The following GPR107 variants were observed in gnomAD, a reference collection of about 807,000 sequenced individuals.
The protein encoded by GPR107 is G protein-coupled receptor 107.
In GPR107, 31 loss-of-function variants were observed where a neutral mutation model predicts 75.5. That is an observed-to-expected ratio of 0.41 (90% CI 0.31 to 0.55). The LOEUF is 0.55. Among genes scored for constraint, GPR107 ranks in the 20% least tolerant of loss-of-function variants. The pLI is 0.26. For synonymous variants in GPR107, 267 were observed against 251.3 expected, an observed-to-expected ratio of 1.06 and a Z score of -0.59; for missense variants, 572 against 665.7, an observed-to-expected ratio of 0.86 and a Z score of 1.55.
intron 15 of GPR107, among the ~76,000 whole-genome samples, chr9:130,126,808 C>A (rs1282400843): frequency 7.2e-5 from 11 of 151,930 alleles, no homozygotes; most frequent in Non-Finnish European, 1.3e-4. Flanking sequence ...TTTTTCTTTC[C>A]CATGGATTTT....
chr9:130,071,957 T>C (rs1447248226), intron 1 of GPR107, among the ~76,000 whole-genome samples: 1 of 151,538 alleles, frequency 6.6e-6, no homozygotes, highest in African/African-American at 2.4e-5. Flanking sequence ...AGTGCTGGGA[T>C]TACAGGCGTA....
rs1831983914 is a variant in GPR107, at chr9:130,137,309, C to G, written c.*2188C>G. 1 of 152,340 alleles carries G rather than the reference C, an allele frequency of 6.6e-6. No homozygotes were observed. Among genetic ancestry groups the G allele is most frequent in the African/African-American group, 2.4e-5 (1 of 41,476 alleles). 9.4% of individuals were successfully genotyped at this position (152,340 alleles called of 1,614,324 possible). A position where few individuals can be genotyped will look rare whatever the true frequency, so the allele number is the denominator to read the frequency against. ...GTGGACAAGCGCTGGAGCCGCAGCC[C>G]TCAGACTGGCACGGGAACGCCAGCG... On this transcript the variant is annotated 3_prime_UTR_variant, in exon 18 of 18. Coordinates refer to ENST00000347136, the MANE Select transcript of GPR107 (RefSeq NM_020960.5).
At chr9:130,102,557 T>C (rs1366905858) in intron 12 of GPR107, among the ~76,000 whole-genome samples, 2 of 152,134 alleles carry the variant, frequency 1.3e-5, no homozygotes, top group Non-Finnish European at 2.9e-5. Flanking sequence ...ATAGAACTAG[T>C]CTGGGAGGGC....
At chr9:130,066,879 G>A (rs920530498) in intron 1 of GPR107, among the ~76,000 whole-genome samples, 5 of 152,110 alleles carry the variant, frequency 3.3e-5, no homozygotes, top group African/African-American at 9.7e-5. Context: ...CCAACTACTC[G>A]GGAGGCTGAG....
chr9:130,097,697 T>G (rs1480429127), intron 9 of GPR107, among the ~76,000 whole-genome samples: 1 of 149,940 alleles, frequency 6.7e-6, no homozygotes, highest in Non-Finnish European at 1.5e-5. Context: ...TGTGGCTGCC[T>G]GTATTCTTTG....
In GPR107 at chr9:130,139,731, G is replaced by C. The variant is rs1832051397; in HGVS notation, c.*4610G>C. 1 of 152,290 alleles carries C rather than the reference G, an allele frequency of 6.6e-6. No homozygotes were observed. The highest frequency in any genetic ancestry group is 6.5e-5 in the Admixed American group (1 of 15,278). 9.4% of individuals were successfully genotyped at this position (152,290 alleles called of 1,614,324 possible). On this transcript the variant is annotated 3_prime_UTR_variant, in exon 18 of 18. Transcript: ENST00000347136. ...CACAGGACAGCTTATTTTGAGGCAA[G>C]GTTTTGGATTTTGGAGGAAGCAGCC... is the stretch of plus-strand genomic sequence containing the variant.
At chr9:130,054,608 G>T (rs577424469) in intron 1 of GPR107, among the ~76,000 whole-genome samples, 1 of 152,286 alleles carries the variant, frequency 6.6e-6, no homozygotes, top group South Asian at 2.1e-4. Flanking sequence ...TGTAAAGCCA[G>T]CATTAAGGTG....
chr9:130,069,590 T>C (rs1332688291), intron 1 of GPR107, among the ~76,000 whole-genome samples: 1 of 152,190 alleles, frequency 6.6e-6, no homozygotes, highest in Non-Finnish European at 1.5e-5. Flanking sequence ...TCCATACATA[T>C]CTTATTTGAC....
rs1407529697 is a variant in GPR107, at chr9:130,103,177, A to G, written c.1132-1243A>G. 6.6e-6 allele frequency among the ~76,000 whole-genome samples: 1 copy of G among 152,190 alleles called. No individual in the cohort carries two copies. The highest frequency in any genetic ancestry group is 1.5e-5 in the Non-Finnish European group (1 of 68,038). ...AGCAGTGTGGGACAGGGAAGGACCC[A>G]GAAGCTGGGGGTCATTGGAGAGGCT... On this transcript the variant is annotated intron_variant, in intron 12 of 17. Coordinates refer to ENST00000347136, the MANE Select transcript of GPR107 (RefSeq NM_020960.5). This position sits in a 1 kb window ranked among gnomAD's most constrained non-coding sequence, Gnocchi z 4.3.
intron 1 of GPR107, among the ~76,000 whole-genome samples, chr9:130,069,526 A>G (rs1830148270): frequency 6.6e-6 from 1 of 152,154 alleles, no homozygotes. Context: ...CTTCAGTCTC[A>G]AGATATCTAT....
intron 1 of GPR107, among the ~76,000 whole-genome samples, chr9:130,075,123 G>A (rs770074426): frequency 2.6e-5 from 4 of 151,850 alleles, no homozygotes; most frequent in Non-Finnish European, 5.9e-5. Context: ...CCGATGAGTT[G>A]TCTTCAGCTT....
In GPR107 at chr9:130,092,149, T is replaced by G. The variant is rs1482966053; in HGVS notation, c.730-99T>G. 3 of 1,029,544 alleles carry G rather than the reference T, an allele frequency of 2.9e-6. No individual in the cohort carries two copies. In the Admixed American group the frequency reaches 6.1e-5, roughly 21 times the overall value. The allele number at this position is 1,029,544 out of a possible 1,614,324, so 63.8% of individuals were successfully genotyped here. A position where few individuals can be genotyped will look rare whatever the true frequency, so the allele number is the denominator to read the frequency against. ...GCCACCATGCCCAGCCACTGGTACT[T>G]ACTTTCTTAAGCTTAAGTGAAACAA... On this transcript the variant is annotated intron_variant, in intron 8 of 17. Transcript: ENST00000347136.
rs1402944456 is a variant in GPR107, at chr9:130,139,825, A to G, written c.*4704A>G. On this transcript the variant is annotated 3_prime_UTR_variant, in exon 18 of 18. Coordinates refer to ENST00000347136, the MANE Select transcript of GPR107 (RefSeq NM_020960.5). ...TAAGATACTGTTACAGGGTCCAGAA[A>G]TCGTGTTCACATGGGGGCTTTGACT... 1.3e-5 allele frequency: 2 copies of G among 152,236 alleles called. No homozygotes were observed. The highest frequency in any genetic ancestry group is 4.8e-5 in the African/African-American group (2 of 41,462). The allele number at this position is 152,236 out of a possible 1,614,324, so 9.4% of individuals were successfully genotyped here.
intron 14 of GPR107, chr9:130,110,301 C>A: frequency 1.1e-6 from 1 of 922,004 alleles, no homozygotes; most frequent in Non-Finnish European, 1.7e-6. Flanking sequence ...TAAAGGGTAA[C>A]TTCCTTTAAC....
rs376703202 is a variant in GPR107, at chr9:130,075,702, A to T, written c.208A>T (p.Asn70Tyr). 3.7e-6 allele frequency: 6 copies of T among 1,608,048 alleles called. No individual in the cohort carries two copies. The highest frequency in any genetic ancestry group is 3.3e-4 in the Middle Eastern group (2 of 6,050). Residue 70 changes from asparagine (N) to tyrosine (Y), a missense_variant, in exon 2 of 18, where the codon AAT (asparagine) becomes TAT (tyrosine). Transcript: ENST00000347136. ...CTTCAAGGATGGGTACATGGTGGTG[A>T]ATGTCAGTAGCCTCTCACTGAATGA... is the stretch of plus-strand genomic sequence containing the variant. ...GFFKDGYMVVNVSSLSLNEPE... is the reference protein window; with the variant it reads ...GFFKDGYMVVYVSSLSLNEPE...
chr9:130,070,013 A>ATTTTTTTTTTTT (rs1830166620), intron 1 of GPR107, among the ~76,000 whole-genome samples: 13 of 16,280 alleles, frequency 8.0e-4, no homozygotes, highest in Non-Finnish European at 1.1e-3. Flanking sequence ...TTTTTTTTTA[A>ATTTTTTTTTTTT]ATTTTTTTGA....
intron 1 of GPR107, among the ~76,000 whole-genome samples, chr9:130,062,619 TGCC>T (rs1829954669): frequency 1.8e-5 from 1 of 57,028 alleles, no homozygotes; most frequent in African/African-American, 6.3e-5. Flanking sequence ...CCTGCCTGCC[TGCC>T]TTCCTGCCTT....
intron 1 of GPR107, among the ~76,000 whole-genome samples, chr9:130,073,375 A>G (rs1809049627): frequency 6.6e-6 from 1 of 152,128 alleles, no homozygotes; most frequent in African/African-American, 2.4e-5. Flanking sequence ...ATAGATACTG[A>G]AGACATTTTC....
At chr9:130,108,475 T>C (rs932202557) in intron 14 of GPR107, among the ~76,000 whole-genome samples, 1 of 152,262 alleles carries the variant, frequency 6.6e-6, no homozygotes, top group Admixed American at 6.5e-5. Flanking sequence ...AACATGACTT[T>C]GAGGCTTCAC....
Sources: allele counts gnomAD v4.1 joint callset (sites outside exome capture counted in the v4.1 genomes callset), GRCh38; gene constraint gnomAD v4.1.1; non-coding constraint Gnocchi (gnomAD v3.1); transcripts MANE v1.5; gene names NCBI Gene and HGNC (gene_info 2026-07-23, HGNC 2026-07-21).